IARS1: variants seen among roughly 807,000 people sequenced by gnomAD.
IARS1 encodes the protein isoleucine--tRNA ligase, cytoplasmic.
Under a neutral mutation model 168.2 loss-of-function variants are expected in IARS1, and 124 were observed. The ratio of observed to expected loss-of-function variants is 0.74; its 90% CI spans 0.64 to 0.86. The LOEUF is 0.86. Ranked by LOEUF, IARS1 falls within the 40% of genes least tolerant of loss-of-function variation. The probability of loss-of-function intolerance (pLI) is 0.00; values close to 1 mark genes in which losing one functional copy is unlikely to be tolerated. For missense variants in IARS1, 1,452 were observed against 1,515.8 expected (o/e 0.96, Z 0.70); for synonymous variants, 532 against 529.4 (o/e 1.00, Z -0.07).
intron 30 of IARS1, among the ~76,000 whole-genome samples, chr9:92,235,965 A>G (rs1464916425): frequency 6.6e-6 from 1 of 151,958 alleles, no homozygotes; most frequent in Non-Finnish European, 1.5e-5. Flanking sequence ...ATTCATGTGG[A>G]ATATCTGTTT....
At chr9:92,212,152 G>A (rs923480371) in intron 33 of IARS1, among the ~76,000 whole-genome samples, 5 of 152,060 alleles carry the variant, frequency 3.3e-5, no homozygotes, top group African/African-American at 1.2e-4. Flanking sequence ...ATAATTACAG[G>A]ACCTGGAGAT....
intron 31 of IARS1, among the ~76,000 whole-genome samples, chr9:92,226,663 T>C (rs10761149): frequency 0.58 from 88,638 of 151,998 alleles, 28,376 homozygotes; most frequent in African/African-American, 0.86. Flanking sequence ...GTAGGCGAAT[T>C]CTTTTTTGCC....
intron 30 of IARS1, among the ~76,000 whole-genome samples, chr9:92,229,402 G>GC: frequency 7.1e-6 from 1 of 140,448 alleles, no homozygotes; most frequent in Middle Eastern, 3.8e-3. Flanking sequence ...TCCATCCTTG[G>GC]CATGTGTTTT....
intron 33 of IARS1, among the ~76,000 whole-genome samples, chr9:92,221,951 G>A (rs1349615802): frequency 1.3e-5 from 2 of 152,166 alleles, no homozygotes; most frequent in South Asian, 2.1e-4. Context: ...CTAGAAGCAT[G>A]TATTTTTAAT....
Position 92,268,248 on chromosome 9 carries a change from G to T in IARS1, c.1357C>A (p.Arg453Ser), listed in dbSNP as rs766050617. ...CTGTTTCTGGAAATTGTCCAGTCAC[G>T]TGCATCTTTCAGCCAATTTCCAAAT... Reference protein sequence around the residue: ...KRFGNWLKDARDWTISRNRYW... With the variant: ...KRFGNWLKDASDWTISRNRYW... Residue 453 changes from arginine (R) to serine (S), a missense_variant, in exon 14 of 34, where the codon CGT (arginine) becomes AGT (serine). Coordinates refer to ENST00000443024, the MANE Select transcript of IARS1 (RefSeq NM_002161.6). 6.2e-7 allele frequency: 1 copy of T among 1,612,038 alleles called. No individual in the cohort carries two copies. The highest frequency in any genetic ancestry group is 1.1e-5 in the South Asian group (1 of 90,604).
Position 92,223,398 on chromosome 9 carries a change from A to G in IARS1, c.3501T>C (p.Ser1167=). 4 of 1,614,078 alleles carry G rather than the reference A, an allele frequency of 2.5e-6. No individual in the cohort carries two copies. The highest frequency in any genetic ancestry group is 3.4e-6 in the Non-Finnish European group (4 of 1,179,910). ...GSAPSLINSS[S]TLLCQYINLQ... Reference sequence around the variant, plus strand: ...GGTTGATATACTGACAAAGAAGAGTACTAGAACTGTTGATCAGAGAGGGAG... The same window carrying G: ...GGTTGATATACTGACAAAGAAGAGTGCTAGAACTGTTGATCAGAGAGGGAG... The change falls in exon 32 of 34, where the codon AGT becomes AGC. Residue 1167 remains serine, a synonymous_variant. Coordinates refer to ENST00000443024, the MANE Select transcript of IARS1 (RefSeq NM_002161.6).
At chr9:92,217,797 A>G (rs1328803455) in intron 33 of IARS1, among the ~76,000 whole-genome samples, 2 of 152,100 alleles carry the variant, frequency 1.3e-5, no homozygotes, top group East Asian at 1.9e-4. Context: ...TTACCAACCA[A>G]AAAGAGTCCA....
intron 28 of IARS1, 33 bp from the exon 29 acceptor site, chr9:92,242,363 A>T (rs776057292): frequency 6.4e-7 from 1 of 1,555,906 alleles, no homozygotes; most frequent in Non-Finnish European, 8.8e-7. Context: ...TTAAAAGGGA[A>T]GTACATTCTA....
At chr9:92,275,489 G>A (rs1833654696) in intron 9 of IARS1, among the ~76,000 whole-genome samples, 1 of 152,212 alleles carries the variant, frequency 6.6e-6, no homozygotes, top group African/African-American at 2.4e-5. Context: ...TTTAATTGTT[G>A]TAACCTAAAT....
Position 92,247,526 on chromosome 9 carries a change from A to G in IARS1, c.2642T>C (p.Leu881Pro). ...IEELNVRKVT[L>P]STDKNKYGIR... ...GCCATACTTGTTTTTATCTGTAGAC[A>G]GTGTAACTTTTCGAACATTGAGTTC... Residue 881 changes from leucine to proline, a missense_variant, in exon 26 of 34, where the codon CTG (leucine) becomes CCG (proline). Leu to Pro is a moderately conservative substitution (Grantham distance 98). Coordinates refer to ENST00000443024, the MANE Select transcript of IARS1 (RefSeq NM_002161.6). 3 of 1,613,732 alleles carry G rather than the reference A, an allele frequency of 1.9e-6. No homozygotes were observed. The highest frequency in any genetic ancestry group is 2.5e-6 in the Non-Finnish European group (3 of 1,179,904).
intron 5 of IARS1, 60 bp downstream of exon 5, chr9:92,286,476 C>A: frequency 4.6e-6 from 4 of 869,026 alleles, no homozygotes; most frequent in South Asian, 1.6e-5. Flanking sequence ...GTGCATTTTT[C>A]CAATTATCAA....
chr9:92,261,477 C>T (rs758534819), intron 17 of IARS1, among the ~76,000 whole-genome samples: 1 of 152,024 alleles, frequency 6.6e-6, no homozygotes, highest in Non-Finnish European at 1.5e-5. Flanking sequence ...AGGAAGGGAG[C>T]CTTTGATGTT....
chr9:92,223,447 G>A lies in IARS1; in HGVS notation c.3452C>T (p.Thr1151Ile). ...QTDLLSLSGK[T>I]LCVTAGSAPS... ...AGCCGATCCTGCAGTCACACAAAGT[G>A]TTTTTCCACTAAGACTCAGTAAGTC... is the stretch of plus-strand genomic sequence containing the variant. The change falls in exon 32 of 34, where the codon ACA becomes ATA. Residue 1151 changes from threonine (T) to isoleucine (I), a missense_variant. Coordinates refer to ENST00000443024, the MANE Select transcript of IARS1 (RefSeq NM_002161.6). The A allele has an allele frequency of 1.2e-6, 2 of 1,613,918 alleles. No homozygotes were observed. The highest frequency in any genetic ancestry group is 4.5e-5 in the East Asian group (2 of 44,882).
At chr9:92,292,979 C>T (rs928483536) in intron 1 of IARS1, among the ~76,000 whole-genome samples, 3 of 152,196 alleles carry the variant, frequency 2.0e-5, no homozygotes, top group Admixed American at 2.0e-4. Context: ...ATACACACAA[C>T]CAATTAATCA....
chr9:92,291,169 A>G lies in IARS1; in HGVS notation c.-7-1743T>C, dbSNP rs190018584. Among the ~76,000 whole-genome samples, 585 of 152,170 alleles carry G rather than the reference A, an allele frequency of 3.8e-3. 8 individuals are homozygous for G. The highest frequency in any genetic ancestry group is 7.5e-4 in the Non-Finnish European group (51 of 68,012). ...GACCTTTCCTTCTCAAAGTCTATTT[A>G]TATTTACTTAACAATTCTAACAAGG... On this transcript the variant is annotated intron_variant, in intron 1 of 33. Transcript: ENST00000443024.
rs1157345497 is a variant in IARS1 at position 92,229,110 on chromosome 9, C to G, written c.3300G>C (p.Leu1100=). 6.2e-7 allele frequency: 1 copy of G among 1,613,596 alleles called. No individual in the cohort carries two copies. The highest frequency in any genetic ancestry group is 8.5e-7 in the Non-Finnish European group (1 of 1,179,886). ...ACCTATTGTCACCTTTTGGATTTTC[C>G]AGGAGCAATACTCCACCTAAAAAGC... ...NGSEQGGVLL[L]ENPKGDNRLD... is the part of the protein sequence containing the mutation. The change falls in exon 31 of 34, where the codon CTG becomes CTC. Residue 1100 remains leucine, a synonymous_variant. Coordinates refer to ENST00000443024, the MANE Select transcript of IARS1 (RefSeq NM_002161.6).
intron 16 of IARS1, 54 bp downstream of exon 16, chr9:92,264,875 C>T (rs1832055820): frequency 6.8e-7 from 1 of 1,468,904 alleles, no homozygotes; most frequent in Non-Finnish European, 9.3e-7. Flanking sequence ...GTAAAATACT[C>T]CCTAAATAAA....
intron 10 of IARS1, among the ~76,000 whole-genome samples, chr9:92,272,377 T>C (rs1418204803): frequency 6.6e-6 from 1 of 152,180 alleles, no homozygotes; most frequent in Admixed American, 6.5e-5. Context: ...GTGCAGCAAT[T>C]TGAACCACTG....
chr9:92,263,047 G>T lies in IARS1; in HGVS notation c.1709C>A (p.Thr570Asn). ...GIDQTRGWFY[T>N]LLVLATALFG... is the part of the protein sequence containing the mutation. Reference sequence around the variant, plus strand: ...GAGGGCCGTGGCCAGCACCAGCAGGGTATAAAACCTGAAAAAAAACCCCAA... The same window carrying T: ...GAGGGCCGTGGCCAGCACCAGCAGGTTATAAAACCTGAAAAAAAACCCCAA... Residue 570 changes from threonine (T) to asparagine (N), a missense_variant, in exon 17 of 34, where the codon ACC (threonine) becomes AAC (asparagine). Thr to Asn is a moderately conservative substitution (Grantham distance 65). Coordinates refer to ENST00000443024, the MANE Select transcript of IARS1 (RefSeq NM_002161.6). 6.2e-7 allele frequency: 1 copy of T among 1,613,032 alleles called. No individual in the cohort carries two copies. The highest frequency in any genetic ancestry group is 8.5e-7 in the Non-Finnish European group (1 of 1,179,182).
Sources: allele counts gnomAD v4.1 joint callset (sites outside exome capture counted in the v4.1 genomes callset), GRCh38; gene constraint gnomAD v4.1.1; transcripts MANE v1.5; gene names NCBI Gene and HGNC (gene_info 2026-07-23, HGNC 2026-07-21).